NDUFAF5: variants seen among roughly 807,000 people sequenced by gnomAD.
NDUFAF5 encodes the protein arginine-hydroxylase NDUFAF5, mitochondrial.
In NDUFAF5, 34 loss-of-function variants were observed where a neutral mutation model predicts 48.9. The observed-to-expected ratio is 0.70, with a 90% CI of 0.53 to 0.93. The LOEUF (loss-of-function observed/expected upper bound fraction) is 0.93, where lower values mean the gene tolerates loss of function less well. NDUFAF5 is among the 40% of genes least tolerant of loss of function. NDUFAF5 has a pLI of 0.00. For synonymous variants in NDUFAF5, 153 were observed against 150.6 expected, an observed-to-expected ratio of 1.02 and a Z score of -0.12; for missense variants, 428 against 427.5, an observed-to-expected ratio of 1.00 and a Z score of -0.01.
intron 1 of NDUFAF5, among the ~76,000 whole-genome samples, chr20:13,786,102 G>C (rs1223041220): frequency 1.3e-5 from 2 of 152,164 alleles, no homozygotes; most frequent in Non-Finnish European, 2.9e-5. Context: ...CAGAGACTGA[G>C]GGTTTCTACT....
intron 7 of NDUFAF5, among the ~76,000 whole-genome samples, chr20:13,804,813 G>A (rs577717724): frequency 1.3e-5 from 2 of 152,256 alleles, no homozygotes; most frequent in African/African-American, 4.8e-5. Flanking sequence ...TCCCTGCGTG[G>A]TGTTTTTGGG....
chr20:13,793,062 A>G (rs1048715295), intron 3 of NDUFAF5, 118 bp from the exon 4 acceptor site: 8 of 1,089,516 alleles, frequency 7.3e-6, no homozygotes, highest in East Asian at 4.8e-5. Flanking sequence ...GGTTTTATGC[A>G]GAAATATACC....
Position 13,785,298 on chromosome 20 carries a change from C to CGCGGCGTGGCGGGGCG in NDUFAF5, c.222+12_222+13insCGTGGCGGGGCGGCGG. 1 of 1,040,674 alleles carries CGCGGCGTGGCGGGGCG rather than the reference C, an allele frequency of 9.6e-7. No homozygotes were observed. The highest frequency in any genetic ancestry group is 1.6e-5 in the South Asian group (1 of 62,746). The allele number at this position is 1,040,674 out of a possible 1,614,324, so 64.5% of individuals were successfully genotyped here. ...GACTACCTGAAGGAGGAGGTGAGCCCGCGGGGCGGCGGGGCGGCGGGGCGG... is the reference window on the plus strand; with the variant it reads ...GACTACCTGAAGGAGGAGGTGAGCCCGCGGCGTGGCGGGGCGGCGGGGCGGCGGGGCGGCGGGGCGG... On this transcript the variant is annotated intron_variant, in intron 1 of 10. Transcript: ENST00000378106.
intron 4 of NDUFAF5, among the ~76,000 whole-genome samples, chr20:13,793,645 A>G (rs1003490746): frequency 5.9e-5 from 9 of 152,232 alleles, no homozygotes; most frequent in Non-Finnish European, 1.2e-4. Flanking sequence ...TTTCTATTGA[A>G]GGGCAGTTAC....
In NDUFAF5 at chr20:13,817,145, A is replaced by C; in HGVS notation, c.973A>C (p.Thr325Pro). ...QARPAERGSATVSFGELGKIN... is the reference protein window; with the variant it reads ...QARPAERGSAPVSFGELGKIN... ...AAGACCAGCTGAAAGAGGTTCCGCA[A>C]CTGTGTCATTTGGAGAGCTAGGAAA... The change falls in exon 11 of 11, where the codon ACT (threonine) becomes CCT (proline). Residue 325 changes from threonine to proline, a missense_variant. By Grantham distance (38) the Thr-to-Pro change is conservative. Coordinates refer to ENST00000378106, the MANE Select transcript of NDUFAF5 (RefSeq NM_024120.5). 1 of 1,614,040 alleles carries C rather than the reference A, an allele frequency of 6.2e-7. No homozygotes were observed. The highest frequency in any genetic ancestry group is 8.5e-7 in the Non-Finnish European group (1 of 1,179,942).
At chr20:13,811,333 T>C (rs1985836212) in intron 8 of NDUFAF5, among the ~76,000 whole-genome samples, 1 of 152,124 alleles carries the variant, frequency 6.6e-6, no homozygotes, top group South Asian at 2.1e-4. Flanking sequence ...GTAAAGCAGT[T>C]ACAAGTGATA....
At chr20:13,785,573 G>A (rs573696595) in intron 1 of NDUFAF5, among the ~76,000 whole-genome samples, 2 of 152,304 alleles carry the variant, frequency 1.3e-5, no homozygotes, top group Admixed American at 6.5e-5. Flanking sequence ...TGGGAGAGAA[G>A]GTTAGGAGGA....
intron 6 of NDUFAF5, among the ~76,000 whole-genome samples, chr20:13,799,762 T>A (rs1227844235): frequency 1.3e-5 from 2 of 151,726 alleles, no homozygotes; most frequent in Admixed American, 1.3e-4. Flanking sequence ...GGAGACTGTT[T>A]CAGTGGTCCA....
rs141395605 is a variant in NDUFAF5 at position 13,818,200 on chromosome 20, C to G, written c.*990C>G. The G allele has an allele frequency of 8.8e-6, 4 of 454,048 alleles. No homozygotes were observed. The highest frequency in any genetic ancestry group is 6.2e-5 in the South Asian group (4 of 64,468). 28.1% of individuals were successfully genotyped at this position (454,048 alleles called of 1,614,324 possible). ...GGTGGGGGCTGTGTGTTAGCCTGTA[C>G]GTAGCACATGGGACTTTCCACATAG... is the stretch of plus-strand genomic sequence containing the variant. On this transcript the variant is annotated 3_prime_UTR_variant, in exon 11 of 11. Transcript: ENST00000378106.
At chr20:13,787,187 G>T (rs755757993) in intron 1 of NDUFAF5, 125 bp from the exon 2 acceptor site, 5 of 1,058,282 alleles carry the variant, frequency 4.7e-6, no homozygotes, top group Non-Finnish European at 5.9e-6. Context: ...GAAAGTTCCT[G>T]TGGTGAAATT....
At position 13,821,018 on chromosome 20, in the gene NDUFAF5, A is replaced by G. The variant is rs1986949239; in HGVS notation, c.*3808A>G. On this transcript the variant is annotated 3_prime_UTR_variant, in exon 11 of 11. Transcript: ENST00000378106. ...ATTTTAATTCTCTACCTGAATACAT[A>G]CATGACAGTTATTTTACCATGCTGG... 1 of 152,260 alleles carries G rather than the reference A, an allele frequency of 6.6e-6. No individual in the cohort carries two copies. Among genetic ancestry groups the G allele is most frequent in the African/African-American group, 2.4e-5 (1 of 41,462 alleles). The allele number at this position is 152,260 out of a possible 1,614,324, so 9.4% of individuals were successfully genotyped here. A position where few individuals can be genotyped will look rare whatever the true frequency, so the allele number is the denominator to read the frequency against.
intron 8 of NDUFAF5, 120 bp downstream of exon 8, chr20:13,809,022 A>G: frequency 1.4e-6 from 1 of 717,130 alleles, no homozygotes; most frequent in Non-Finnish European, 2.5e-6. Context: ...GCACTGGGCA[A>G]AGCACTAGGG....
At chr20:13,793,261 C>T in intron 4 of NDUFAF5, 34 bp downstream of exon 4, 1 of 1,495,136 alleles carries the variant, frequency 6.7e-7, no homozygotes, top group Non-Finnish European at 9.3e-7. Context: ...GGTTTCTAAT[C>T]TCGTGATGTG....
chr20:13,788,545 A>G (rs762577477), intron 2 of NDUFAF5, 44 bp from the exon 3 acceptor site: 1 of 1,374,642 alleles, frequency 7.3e-7, no homozygotes, highest in South Asian at 1.2e-5. Context: ...TAATTTATAG[A>G]CTGTGTTATG....
At chr20:13,791,313 C>T (rs1982244762) in intron 3 of NDUFAF5, among the ~76,000 whole-genome samples, 2 of 152,232 alleles carry the variant, frequency 1.3e-5, no homozygotes, top group Admixed American at 6.5e-5. Context: ...GACCTTGGGC[C>T]AATCAATTGC....
chr20:13,796,036 T>C (rs566208000), intron 5 of NDUFAF5, among the ~76,000 whole-genome samples: 3 of 151,822 alleles, frequency 2.0e-5, no homozygotes, highest in African/African-American at 7.3e-5. Context: ...AGAAAAAATA[T>C]CTTTGTGGTA....
chr20:13,787,397 G>T (rs1353575309), intron 2 of NDUFAF5, 45 bp downstream of exon 2: 1 of 1,558,560 alleles, frequency 6.4e-7, no homozygotes, highest in African/African-American at 1.4e-5. Context: ...CTTTTGAGTG[G>T]AAATTCAGGA....
At chr20:13,799,372 G>T (rs1034772777) in intron 6 of NDUFAF5, among the ~76,000 whole-genome samples, 4 of 152,154 alleles carry the variant, frequency 2.6e-5, no homozygotes, top group Non-Finnish European at 5.9e-5. Flanking sequence ...GTGTTAAATA[G>T]CTCTGCGAGA....
chr20:13,790,869 G>T lies in NDUFAF5; in HGVS notation c.327+2217G>T, dbSNP rs1052280145. ...GCTGACTTCATCAAAGATTCCTCCC[G>T]TGACTGCTTTAGAAAATAGTGCCCC... On this transcript the variant is annotated intron_variant, in intron 3 of 10. Coordinates refer to ENST00000378106, the MANE Select transcript of NDUFAF5 (RefSeq NM_024120.5). 7.2e-5 allele frequency among the ~76,000 whole-genome samples: 11 copies of T among 152,204 alleles called. 1 individual carries two copies. The South Asian group carries it at 1.5e-3, about 20-fold the overall frequency.
Sources: gnomAD v4.1 joint callset for allele counts (sites outside exome capture counted in the v4.1 genomes callset) on GRCh38, gnomAD v4.1.1 for gene constraint, MANE v1.5 for transcripts, NCBI Gene and HGNC (gene_info 2026-07-23, HGNC 2026-07-21) for gene names.